The following MSRA variants were observed in gnomAD, a reference collection of about 807,000 sequenced individuals.
The protein encoded by MSRA is mitochondrial peptide methionine sulfoxide reductase.
MSRA carries 54 observed loss-of-function variants against 31.3 expected under a neutral mutation model. The observed-to-expected ratio is 1.73, with a 90% CI of 1.39 to 2.17. The LOEUF is 2.17. Ranked by LOEUF, MSRA falls within the 30% of genes most tolerant of loss-of-function variation. MSRA has a pLI of 0.00. For synonymous variants in MSRA, 169 were observed against 116.5 expected, an observed-to-expected ratio of 1.45 and a Z score of -2.90; for missense variants, 507 against 300.9, an observed-to-expected ratio of 1.69 and a Z score of -5.07.
At chr8:10,099,812 T>C (rs1049641057) in intron 1 of MSRA, among the ~76,000 whole-genome samples, 2 of 152,202 alleles carry the variant, frequency 1.3e-5, no homozygotes, top group African/African-American at 4.8e-5. Flanking sequence ...GGGGTGGCCC[T>C]GGACACCGGC....
intron 1 of MSRA, among the ~76,000 whole-genome samples, chr8:10,149,008 T>C (rs1040759964): frequency 2.0e-4 from 30 of 150,112 alleles, no homozygotes; most frequent in Non-Finnish European, 3.7e-4. Context: ...CCAGGCTGGG[T>C]GCAATGGTTC....
At chr8:10,161,744 T>C (rs1451112079) in intron 1 of MSRA, among the ~76,000 whole-genome samples, 1 of 152,052 alleles carries the variant, frequency 6.6e-6, no homozygotes, top group East Asian at 1.9e-4. Flanking sequence ...TCTCGGGGTG[T>C]CTGCATCTGG....
intron 1 of MSRA, among the ~76,000 whole-genome samples, chr8:10,056,236 A>C (rs1483503154): frequency 2.0e-5 from 3 of 151,216 alleles, no homozygotes; most frequent in African/African-American, 7.3e-5. Context: ...AAATAATCCA[A>C]AAACTCTTGT....
rs181083103 is a variant in MSRA at position 10,121,726 on chromosome 8, A to G, written c.142+67068A>G. ...GGTCTGTTTGCCTAGGCTGGCATGC[A>G]GCGGTATGATCATAGCTTACTACGG... On this transcript the variant is annotated intron_variant, in intron 1 of 5. Transcript: ENST00000317173. Among the ~76,000 whole-genome samples, 107 of 151,770 alleles carry G rather than the reference A, an allele frequency of 7.1e-4. 1 individual carries two copies. Among genetic ancestry groups the G allele is most frequent in the Admixed American group, 2.4e-3 (36 of 15,238 alleles).
At chr8:10,375,770 C>A (rs1402550039) in intron 5 of MSRA, among the ~76,000 whole-genome samples, 1 of 152,152 alleles carries the variant, frequency 6.6e-6, no homozygotes, top group African/African-American at 2.4e-5. Context: ...ACCAAGTGGT[C>A]GAGACTTTAC....
chr8:10,324,719 T>C (rs1425547828), intron 5 of MSRA, among the ~76,000 whole-genome samples: 1 of 152,028 alleles, frequency 6.6e-6, no homozygotes, highest in Non-Finnish European at 1.5e-5. Flanking sequence ...AGATGTGTGG[T>C]TCCAGGGAGC....
At chr8:10,418,735 C>A (rs907743665) in intron 5 of MSRA, among the ~76,000 whole-genome samples, 5 of 125,252 alleles carry the variant, frequency 4.0e-5, no homozygotes, top group Non-Finnish European at 7.9e-5. Flanking sequence ...GATAGTGGTA[C>A]AACAAAGTGA....
At chr8:10,238,397 G>C (rs963773100) in intron 2 of MSRA, among the ~76,000 whole-genome samples, 6 of 152,108 alleles carry the variant, frequency 3.9e-5, no homozygotes, top group Admixed American at 1.3e-4. Flanking sequence ...AGGATTTTTG[G>C]TGTTTTTAAT....
intron 5 of MSRA, among the ~76,000 whole-genome samples, chr8:10,330,128 C>T (rs376942065): frequency 6.8e-6 from 1 of 148,126 alleles, no homozygotes; most frequent in East Asian, 2.1e-4. Context: ...CTTAATTTCT[C>T]TGATACCAAT....
At chr8:10,330,497 G>A (rs983124701) in intron 5 of MSRA, among the ~76,000 whole-genome samples, 1 of 152,102 alleles carries the variant, frequency 6.6e-6, no homozygotes, top group Non-Finnish European at 1.5e-5. Flanking sequence ...ATGTTCCTCA[G>A]TAAATTAATT....
chr8:10,119,265 T>A (rs1421547472), intron 1 of MSRA, among the ~76,000 whole-genome samples: 1 of 152,250 alleles, frequency 6.6e-6, no homozygotes, highest in Non-Finnish European at 1.5e-5. Context: ...AATGCTTATC[T>A]TCATAATGAA....
chr8:10,288,176 C>G (rs1405064707), intron 3 of MSRA, among the ~76,000 whole-genome samples: 1 of 152,182 alleles, frequency 6.6e-6, no homozygotes, highest in African/African-American at 2.4e-5. Flanking sequence ...GTTTTTCAGG[C>G]TTTAAAAAAA....
intron 5 of MSRA, among the ~76,000 whole-genome samples, chr8:10,382,596 A>G (rs1045521785): frequency 3.3e-5 from 5 of 152,212 alleles, no homozygotes; most frequent in African/African-American, 1.2e-4. Context: ...GGGCTTTGCC[A>G]AGGCATCTCA....
intron 1 of MSRA, among the ~76,000 whole-genome samples, chr8:10,188,997 A>T (rs369523282): frequency 6.6e-6 from 1 of 152,218 alleles, no homozygotes; most frequent in African/African-American, 2.4e-5. Context: ...GTTTATGAAC[A>T]TGATGTATCT....
chr8:10,391,664 C>T (rs546690113), intron 5 of MSRA, among the ~76,000 whole-genome samples: 7 of 152,272 alleles, frequency 4.6e-5, no homozygotes, highest in South Asian at 2.1e-4. Flanking sequence ...TGAGGCTGAG[C>T]GTGGGCTAGG....
chr8:10,112,549 C>G (rs1800366898), intron 1 of MSRA, among the ~76,000 whole-genome samples: 1 of 152,118 alleles, frequency 6.6e-6, no homozygotes, highest in African/African-American at 2.4e-5. Flanking sequence ...TGGAAAAAGG[C>G]AAGAGTCATT....
chr8:10,307,829 T>C (rs1185414092), intron 4 of MSRA, among the ~76,000 whole-genome samples: 1 of 152,192 alleles, frequency 6.6e-6, no homozygotes, highest in African/African-American at 2.4e-5. Flanking sequence ...TTCCCCCACC[T>C]GTGTAGTTTA....
chr8:10,364,215 G>C (rs957159300), intron 5 of MSRA, among the ~76,000 whole-genome samples: 1 of 152,282 alleles, frequency 6.6e-6, no homozygotes, highest in African/African-American at 2.4e-5. Flanking sequence ...GTCCCTGCCC[G>C]TATGAGTTAT....
intron 1 of MSRA, among the ~76,000 whole-genome samples, chr8:10,082,376 G>A (rs1434913109): frequency 6.6e-6 from 1 of 152,126 alleles, no homozygotes; most frequent in East Asian, 1.9e-4. Flanking sequence ...TATTCCTGCT[G>A]CCAAGGCAGC....
Sources: gnomAD v4.1 joint callset for allele counts (sites outside exome capture counted in the v4.1 genomes callset) on GRCh38, gnomAD v4.1.1 for gene constraint, MANE v1.5 for transcripts, NCBI Gene and HGNC (gene_info 2026-07-23, HGNC 2026-07-21) for gene names.